Variants in GABRG1 observed in about 807,000 individuals in gnomAD.
The protein encoded by GABRG1 is gamma-aminobutyric acid type A receptor subunit gamma1.
A neutral mutation model predicts 49.8 loss-of-function variants in GABRG1; 49 were observed. That is an observed-to-expected ratio of 0.98 (90% confidence interval 0.78 to 1.25). The LOEUF is 1.25. GABRG1 is among the 50% of genes most tolerant of loss of function. The pLI is 0.00. For missense variants in GABRG1, 552 were observed against 552.3 expected, an observed-to-expected ratio of 1.00 and a Z score of 0.01; for synonymous variants, 232 against 185.1, an observed-to-expected ratio of 1.25 and a Z score of -2.06.
chr4:46,087,091 T>G (rs1719794892), intron 2 of GABRG1, among the ~76,000 whole-genome samples: 1 of 151,676 alleles, frequency 6.6e-6, no homozygotes, highest in Admixed American at 6.6e-5. Flanking sequence ...TTTTTTTTCT[T>G]GTAATATCCC....
At chr4:46,052,034 C>A (rs1560350048) in intron 7 of GABRG1, among the ~76,000 whole-genome samples, 1 of 151,882 alleles carries the variant, frequency 6.6e-6, no homozygotes, top group Non-Finnish European at 1.5e-5. Flanking sequence ...ATACAATATC[C>A]TAAAGACAGC....
At chr4:46,084,086 A>G (rs757294599) in intron 2 of GABRG1, 33 bp from the exon 3 acceptor site, 2 of 1,201,444 alleles carry the variant, frequency 1.7e-6, no homozygotes, top group Middle Eastern at 1.9e-4. Context: ...AAGGTCAAAG[A>G]TATGATTAGA....
chr4:46,105,791 T>TGATAGATAGATAGATAGATAGATA, intron 1 of GABRG1, among the ~76,000 whole-genome samples: 1 of 144,662 alleles, frequency 6.9e-6, no homozygotes, highest in Middle Eastern at 3.5e-3. Context: ...GGTAGATAGA[T>TGATAGATAGATAGATAGATAGATA]GATAGATAGA....
At chr4:46,059,282 G>A (rs35256503) in intron 5 of GABRG1, among the ~76,000 whole-genome samples, 6,229 of 152,164 alleles carry the variant, frequency 0.041, 205 homozygotes, top group Admixed American at 0.077. Flanking sequence ...CAATATGCAA[G>A]CATTACTTTA....
intron 3 of GABRG1, among the ~76,000 whole-genome samples, chr4:46,075,809 C>T (rs1007570005): frequency 6.6e-6 from 1 of 151,928 alleles, no homozygotes; most frequent in African/African-American, 2.4e-5. Context: ...TCTTTTGCAG[C>T]AACATGGATG....
chr4:46,047,536 A>T (rs569453726), intron 8 of GABRG1, among the ~76,000 whole-genome samples: 11 of 152,082 alleles, frequency 7.2e-5, no homozygotes, highest in Non-Finnish European at 1.3e-4. Flanking sequence ...AGGCCACATA[A>T]TATGATGTCT....
In GABRG1 at chr4:46,073,030, C is replaced by T. The variant is rs142596199; in HGVS notation, c.322-7446G>A. 4.6e-3 allele frequency among the ~76,000 whole-genome samples: 698 copies of T among 151,824 alleles called. 2 individuals are homozygous for T. Among genetic ancestry groups the T allele is most frequent in the African/African-American group, 0.016 (676 of 41,484 alleles). ...AGAATTTCATGAAGTTAGTTTATGTCAAGAGTTGTCATATGCCATAAAATA... is the reference window on the plus strand; with the variant it reads ...AGAATTTCATGAAGTTAGTTTATGTTAAGAGTTGTCATATGCCATAAAATA... On this transcript the variant is annotated intron_variant, in intron 3 of 8. Transcript: ENST00000295452.
rs753857279 is a variant in GABRG1 at position 46,041,953 on chromosome 4, T to A, written c.1132-699A>T. On this transcript the variant is annotated intron_variant, in intron 8 of 8. Transcript: ENST00000295452. ...CATCATGCTCAGTAATAATAGCTAC[T>A]ATTATTAACAGCTTTATTTGTAACA... is the stretch of plus-strand genomic sequence containing the variant. Among the ~76,000 whole-genome samples the A allele has an allele frequency of 2.0e-4, 30 of 152,186 alleles. 1 individual carries two copies. The highest frequency in any genetic ancestry group is 2.5e-4 in the Non-Finnish European group (17 of 67,950).
chr4:46,056,879 T>A (rs1718471748), intron 7 of GABRG1, among the ~76,000 whole-genome samples: 1 of 152,120 alleles, frequency 6.6e-6, no homozygotes, highest in African/African-American at 2.4e-5. Flanking sequence ...ATGATTGATA[T>A]GCTAATATTG....
chr4:46,120,927 A>T (rs983190097), intron 1 of GABRG1, among the ~76,000 whole-genome samples: 7 of 151,898 alleles, frequency 4.6e-5, no homozygotes, highest in Admixed American at 2.0e-4. Flanking sequence ...CCTGATTATA[A>T]CTAGATTATT....
At chr4:46,097,382 A>G (rs1720202300) in intron 1 of GABRG1, 33 bp from the exon 2 acceptor site, 5 of 1,581,636 alleles carry the variant, frequency 3.2e-6, no homozygotes, top group Non-Finnish European at 4.3e-6. Context: ...TGGATGGTAG[A>G]AGGTTCAATC....
Position 46,060,765 on chromosome 4 carries a change from C to T in GABRG1, c.626-2143G>A, listed in dbSNP as rs534942254. Among the ~76,000 whole-genome samples, 153 of 152,056 alleles carry T rather than the reference C, an allele frequency of 1.0e-3. 1 individual carries two copies. The highest frequency in any genetic ancestry group is 3.6e-3 in the African/African-American group (149 of 41,490). ...TTTCACTTGCTCTCTAGGGTTGTAGCCATTTTGATTTCTATAGTTTCTGTC... is the reference window on the plus strand; with the variant it reads ...TTTCACTTGCTCTCTAGGGTTGTAGTCATTTTGATTTCTATAGTTTCTGTC... On this transcript the variant is annotated intron_variant, in intron 5 of 8. Transcript: ENST00000295452.
intron 2 of GABRG1, among the ~76,000 whole-genome samples, chr4:46,090,909 A>T (rs1719960460): frequency 6.7e-6 from 1 of 148,952 alleles, no homozygotes; most frequent in Non-Finnish European, 1.5e-5. Context: ...AAGGGCTATC[A>T]GGACAGCTAG....
intron 5 of GABRG1, 71 bp downstream of exon 5, chr4:46,064,370 T>C: frequency 1.2e-6 from 1 of 810,120 alleles, no homozygotes; most frequent in South Asian, 1.9e-5. Context: ...TTATTTTCTT[T>C]CTTTTCATTT....
intron 3 of GABRG1, among the ~76,000 whole-genome samples, chr4:46,078,259 C>G (rs1282455022): frequency 6.6e-6 from 1 of 152,020 alleles, no homozygotes; most frequent in African/African-American, 2.4e-5. Flanking sequence ...CCACCATTGG[C>G]ATATGCAGGT....
At chr4:46,100,302 C>A (rs1336248529) in intron 1 of GABRG1, among the ~76,000 whole-genome samples, 2 of 151,274 alleles carry the variant, frequency 1.3e-5, no homozygotes, top group African/African-American at 2.4e-5. Context: ...AGGGGAGCAA[C>A]ACACACTGCG....
intron 5 of GABRG1, among the ~76,000 whole-genome samples, chr4:46,061,922 A>T (rs911642156): frequency 2.0e-5 from 3 of 151,404 alleles, no homozygotes; most frequent in African/African-American, 4.9e-5. Context: ...CATGTGCACA[A>T]TGTGCAGGTT....
chr4:46,072,198 G>A (rs900210696), intron 3 of GABRG1, among the ~76,000 whole-genome samples: 20 of 152,080 alleles, frequency 1.3e-4, no homozygotes, highest in African/African-American at 4.6e-4. Flanking sequence ...TATCCTAGAA[G>A]CATTGGGCTA....
At chr4:46,069,517 T>C (rs1337621311) in intron 3 of GABRG1, among the ~76,000 whole-genome samples, 2 of 152,064 alleles carry the variant, frequency 1.3e-5, no homozygotes, top group East Asian at 1.9e-4. Context: ...ATGTTTGAAA[T>C]AGAAAAAGAA....
Sources: allele counts gnomAD v4.1 joint callset (sites outside exome capture counted in the v4.1 genomes callset), GRCh38; gene constraint gnomAD v4.1.1; transcripts MANE v1.5; gene names NCBI Gene and HGNC (gene_info 2026-07-23, HGNC 2026-07-21).